The following SYCP2 variants were observed in gnomAD, a reference collection of about 807,000 sequenced individuals.
SYCP2 encodes the protein synaptonemal complex lateral element protein.
In SYCP2, 55 loss-of-function variants were observed where a neutral mutation model predicts 211.3. The ratio of observed to expected loss-of-function variants is 0.26; its 90% CI spans 0.21 to 0.33. The LOEUF is 0.33. Ranked by LOEUF, SYCP2 falls within the 10% of genes least tolerant of loss-of-function variation. The pLI is 1.00. For synonymous variants in SYCP2, 570 were observed against 555.2 expected (o/e 1.03, Z -0.37); for missense variants, 1,731 against 1,752.0 (o/e 0.99, Z 0.21).
rs138054960 is a variant in SYCP2, at chr20:59,899,917, A to G, written c.1404+221T>C. On this transcript the variant is annotated intron_variant, in intron 18 of 44. Coordinates refer to ENST00000357552, the MANE Select transcript of SYCP2 (RefSeq NM_014258.4). ...ATCTATCTCTAATCTGCAATTTACA[A>G]CTGTAAAGTATGTCTTGTTCTAACC... is the stretch of plus-strand genomic sequence containing the variant. 1.8e-3 allele frequency: 915 copies of G among 507,890 alleles called. 5 individuals carry two copies. Among genetic ancestry groups the G allele is most frequent in the African/African-American group, 0.016 (846 of 51,536 alleles). 31.5% of individuals were successfully genotyped at this position (507,890 alleles called of 1,614,324 possible).
chr20:59,873,833 G>C, intron 35 of SYCP2, 23 bp downstream of exon 35: 1 of 1,565,152 alleles, frequency 6.4e-7, no homozygotes, highest in Non-Finnish European at 8.7e-7. Context: ...CTGATAAAGA[G>C]AAAAATATAT....
chr20:59,898,603 C>G (rs2145767986), intron 18 of SYCP2, among the ~76,000 whole-genome samples: 1 of 152,148 alleles, frequency 6.6e-6, no homozygotes, highest in East Asian at 1.9e-4. Flanking sequence ...GGAGAAATAC[C>G]TAATGTAGAT....
rs148375197 is a variant in SYCP2, at chr20:59,873,869, C to T, written c.3542G>A (p.Arg1181Gln). Residue 1181 changes from arginine to glutamine, a missense_variant, in exon 35 of 45, where the codon CGA (arginine) becomes CAA (glutamine). By Grantham distance (43) the Arg-to-Gln change is conservative (BLOSUM62 1). Coordinates refer to ENST00000357552, the MANE Select transcript of SYCP2 (RefSeq NM_014258.4). ...CASESCSPIPRPLFLPRHTPT... is the reference protein window; with the variant it reads ...CASESCSPIPQPLFLPRHTPT... ...ATACATTCTCACCAAAAACAGTGGT[C>T]GTGGAATTGGTGAACAACTTTCACT... 3.8e-4 allele frequency: 619 copies of T among 1,609,268 alleles called. 1 individual carries two copies. Among genetic ancestry groups the T allele is most frequent in the Non-Finnish European group, 5.1e-4 (605 of 1,178,394 alleles).
At chr20:59,902,078 A>T (rs992994788) in intron 15 of SYCP2, among the ~76,000 whole-genome samples, 1 of 152,146 alleles carries the variant, frequency 6.6e-6, no homozygotes, top group Non-Finnish European at 1.5e-5. Context: ...TCTGGACTCT[A>T]ACAAATTCTT....
intron 15 of SYCP2, among the ~76,000 whole-genome samples, chr20:59,906,069 A>G (rs1319626027): frequency 6.6e-6 from 1 of 152,170 alleles, no homozygotes; most frequent in Admixed American, 6.5e-5. Flanking sequence ...CGCTGTTGAG[A>G]GAAATCAAAG....
chr20:59,926,480 C>T (rs992041613), intron 2 of SYCP2, among the ~76,000 whole-genome samples: 1 of 152,028 alleles, frequency 6.6e-6, no homozygotes, highest in Admixed American at 6.6e-5. Flanking sequence ...ACATTGTCTT[C>T]TATGCATATC....
At chr20:59,927,140 G>A (rs2060648212) in intron 2 of SYCP2, among the ~76,000 whole-genome samples, 1 of 152,134 alleles carries the variant, frequency 6.6e-6, no homozygotes, top group Non-Finnish European at 1.5e-5. Context: ...GAGATTTGTT[G>A]AGAATGTGTC....
At chr20:59,925,342 C>T (rs567481687) in intron 2 of SYCP2, among the ~76,000 whole-genome samples, 1 of 152,170 alleles carries the variant, frequency 6.6e-6, no homozygotes, top group South Asian at 2.1e-4. Flanking sequence ...GCACATCTTG[C>T]ACATGTAGCC....
intron 19 of SYCP2, 39 bp downstream of exon 19, chr20:59,896,390 A>G (rs757357052): frequency 8.3e-7 from 1 of 1,205,100 alleles, no homozygotes; most frequent in Non-Finnish European, 1.2e-6. Flanking sequence ...GCCTCCTTTA[A>G]AATAATTGTT....
chr20:59,908,076 C>T (rs1458893922), intron 14 of SYCP2, among the ~76,000 whole-genome samples: 3 of 152,056 alleles, frequency 2.0e-5, no homozygotes, highest in African/African-American at 7.2e-5. Flanking sequence ...GAAACCCCGT[C>T]TCTACTAAAA....
intron 35 of SYCP2, 73 bp from the exon 36 acceptor site, chr20:59,870,056 T>A: frequency 9.7e-7 from 1 of 1,025,758 alleles, no homozygotes; most frequent in Non-Finnish European, 1.4e-6. Flanking sequence ...TCAAAAAGAG[T>A]TGAACATAAG....
chr20:59,924,127 A>G (rs1353784984), intron 2 of SYCP2, among the ~76,000 whole-genome samples: 1 of 151,886 alleles, frequency 6.6e-6, no homozygotes, highest in African/African-American at 2.4e-5. Context: ...ACCAAAAGAG[A>G]AGTAATCTTA....
chr20:59,877,268 G>A (rs1031898513), intron 33 of SYCP2, 117 bp downstream of exon 33: 11 of 737,798 alleles, frequency 1.5e-5, no homozygotes, highest in Admixed American at 4.1e-5. Flanking sequence ...TTTAAGTTTT[G>A]TCATAAAAGA....
intron 44 of SYCP2, 69 bp from the exon 45 acceptor site, chr20:59,864,457 GAA>G (rs376056840): frequency 0.029 from 24,220 of 835,894 alleles, 403 homozygotes; most frequent in Middle Eastern, 0.05. Context: ...AAATAAAATA[GAA>G]AAAAAAAAAT....
Position 59,922,434 on chromosome 20 carries a change from A to C in SYCP2, c.-21T>G. 1 of 1,553,902 alleles carries C rather than the reference A, an allele frequency of 6.4e-7. No homozygotes were observed. On this transcript the variant is annotated 5_prime_UTR_variant, in exon 3 of 45. Transcript: ENST00000357552. Reference sequence around the variant, plus strand: ...GGCATTTTGACTTCATTTAAAAAAAAAAAAAAAGCAAGACAAAATAAACAC... The same window carrying C: ...GGCATTTTGACTTCATTTAAAAAAACAAAAAAAGCAAGACAAAATAAACAC...
intron 7 of SYCP2, among the ~76,000 whole-genome samples, chr20:59,917,389 T>A (rs1264808413): frequency 6.6e-6 from 1 of 152,168 alleles, no homozygotes; most frequent in Non-Finnish European, 1.5e-5. Context: ...ATGCAAATTT[T>A]AAAAATAACT....
At chr20:59,912,004 CAA>C (rs1259985332) in intron 13 of SYCP2, 159 bp from the exon 14 acceptor site, 4 of 447,802 alleles carry the variant, frequency 8.9e-6, no homozygotes, top group Admixed American at 8.4e-5. Flanking sequence ...TAAAAACAAT[CAA>C]ATGAAATGCT....
chr20:59,912,555 C>G (rs1038884312), intron 12 of SYCP2, 137 bp from the exon 13 acceptor site: 1 of 421,344 alleles, frequency 2.4e-6, no homozygotes, highest in Non-Finnish European at 4.3e-6. Context: ...ATATTTCCCT[C>G]TTTAATACTT....
chr20:59,884,006 AAAC>A (rs1366098887), intron 26 of SYCP2, among the ~76,000 whole-genome samples: 3 of 152,110 alleles, frequency 2.0e-5, no homozygotes, highest in Non-Finnish European at 4.4e-5. Context: ...TACAATAAAA[AAAC>A]ACTTCTTTAA....
Sources: allele counts gnomAD v4.1 joint callset (sites outside exome capture counted in the v4.1 genomes callset), GRCh38; gene constraint gnomAD v4.1.1; transcripts MANE v1.5; gene names NCBI Gene and HGNC (gene_info 2026-07-23, HGNC 2026-07-21).